The following GBE1 variants were observed in gnomAD, a reference collection of about 807,000 sequenced individuals.
The protein encoded by GBE1 is 1,4-alpha-glucan branching enzyme 1.
Under a neutral mutation model 88.8 loss-of-function variants are expected in GBE1, and 70 were observed. The ratio of observed to expected loss-of-function variants is 0.79; its 90% CI spans 0.65 to 0.96. GBE1 has a LOEUF of 0.96. Ranked by LOEUF, GBE1 falls within the 40% of genes least tolerant of loss-of-function variation. The probability of loss-of-function intolerance (pLI) is 0.00; values close to 1 mark genes in which losing one functional copy is unlikely to be tolerated. For synonymous variants in GBE1, 284 were observed against 300.1 expected (o/e 0.95, Z 0.56); for missense variants, 872 against 871.0 (o/e 1.00, Z -0.01).
chr3:81,708,143 C>T (rs1705804314), intron 1 of GBE1, among the ~76,000 whole-genome samples: 1 of 151,770 alleles, frequency 6.6e-6, no homozygotes, highest in Admixed American at 6.6e-5. Context: ...ATTTGAGGAA[C>T]TGAAAGCATT....
At chr3:81,747,945 C>T (rs1204963896) in intron 1 of GBE1, among the ~76,000 whole-genome samples, 1 of 152,194 alleles carries the variant, frequency 6.6e-6, no homozygotes, top group African/African-American at 2.4e-5. Context: ...ATTGCTCACA[C>T]AAAGCCTGTT....
At chr3:81,704,759 G>C (rs1406357676) in intron 2 of GBE1, among the ~76,000 whole-genome samples, 5 of 151,848 alleles carry the variant, frequency 3.3e-5, no homozygotes. Flanking sequence ...CATCATTCTA[G>C]TAATGTATTT....
rs544517401 is a variant in GBE1, at chr3:81,681,855, G to A, written c.314-10902C>T. 7.9e-5 allele frequency among the ~76,000 whole-genome samples: 12 copies of A among 152,086 alleles called. No individual in the cohort carries two copies. In the East Asian group the frequency reaches 1.5e-3, roughly 20 times the overall value. ...TCAGAACTAAAACTAGAAAACATAC[G>A]GCAATCTTTGTAATCTCTGTTCTTT... On this transcript the variant is annotated intron_variant, in intron 2 of 15. Coordinates refer to ENST00000429644, the MANE Select transcript of GBE1 (RefSeq NM_000158.4).
intron 12 of GBE1, among the ~76,000 whole-genome samples, chr3:81,566,992 C>T (rs560046302): frequency 3.3e-5 from 5 of 152,262 alleles, no homozygotes; most frequent in South Asian, 2.1e-4. Flanking sequence ...CCATCCCACT[C>T]GAACTGCTAT....
chr3:81,636,924 T>G (rs986902866), intron 7 of GBE1, among the ~76,000 whole-genome samples: 1 of 152,148 alleles, frequency 6.6e-6, no homozygotes, highest in African/African-American at 2.4e-5. Flanking sequence ...TGCTTTGAAA[T>G]CTATCCAGTG....
chr3:81,659,819 T>C (rs1052348905), intron 3 of GBE1, among the ~76,000 whole-genome samples: 2 of 152,176 alleles, frequency 1.3e-5, no homozygotes, highest in African/African-American at 2.4e-5. Flanking sequence ...CAATTACATA[T>C]TCAATAAACA....
intron 1 of GBE1, among the ~76,000 whole-genome samples, chr3:81,725,355 C>T (rs532803328): frequency 6.6e-6 from 1 of 151,860 alleles, no homozygotes; most frequent in Non-Finnish European, 1.5e-5. Flanking sequence ...TGGCCTACCC[C>T]GGGTCAGGAT....
intron 7 of GBE1, among the ~76,000 whole-genome samples, chr3:81,606,464 G>A (rs577415112): frequency 1.3e-5 from 2 of 152,280 alleles, no homozygotes; most frequent in East Asian, 1.9e-4. Context: ...AAGACCCTGC[G>A]CTATTTAACA....
intron 3 of GBE1, among the ~76,000 whole-genome samples, chr3:81,669,523 T>G (rs1705159054): frequency 6.6e-6 from 1 of 152,114 alleles, no homozygotes; most frequent in African/African-American, 2.4e-5. Context: ...ATTTACTTCT[T>G]CAAAGACTGA....
chr3:81,734,679 A>G lies in GBE1; in HGVS notation c.143+26696T>C, dbSNP rs552361048. ...ATTATGATGAGATCAGAAGACTTTT[A>G]TCACCCTGCCCTAAAACAATGAAGG... is the stretch of plus-strand genomic sequence containing the variant. On this transcript the variant is annotated intron_variant, in intron 1 of 15. Transcript: ENST00000429644. 1.2e-4 allele frequency among the ~76,000 whole-genome samples: 19 copies of G among 152,246 alleles called. No individual in the cohort carries two copies. In the East Asian group the frequency reaches 3.1e-3, roughly 25 times the overall value.
Position 81,502,810 on chromosome 3 carries a change from T to G in GBE1, c.1935-3583A>C, listed in dbSNP as rs188959701. Among the ~76,000 whole-genome samples, 209 of 152,264 alleles carry G rather than the reference T, an allele frequency of 1.4e-3. 2 individuals carry two copies. Among genetic ancestry groups the G allele is most frequent in the South Asian group, 7.5e-3 (36 of 4,826 alleles). ...ATATGGGACCCACACAGCACCACAA[T>G]TCCTACATCATCCTTTTTCTGTGAA... On this transcript the variant is annotated intron_variant, in intron 14 of 15. Coordinates refer to ENST00000429644, the MANE Select transcript of GBE1 (RefSeq NM_000158.4).
At chr3:81,502,109 T>G (rs935623136) in intron 14 of GBE1, among the ~76,000 whole-genome samples, 1 of 151,854 alleles carries the variant, frequency 6.6e-6, no homozygotes, top group Non-Finnish European at 1.5e-5. Flanking sequence ...AAAATAAAAA[T>G]CATGTGTCCA....
intron 7 of GBE1, among the ~76,000 whole-genome samples, chr3:81,617,131 T>C (rs1038821835): frequency 1.4e-4 from 21 of 152,024 alleles, no homozygotes; most frequent in Non-Finnish European, 2.4e-4. Flanking sequence ...TGGTATTTTC[T>C]ATATTCTATA....
intron 7 of GBE1, among the ~76,000 whole-genome samples, chr3:81,628,364 C>T (rs1429487154): frequency 1.3e-5 from 2 of 151,944 alleles, no homozygotes; most frequent in African/African-American, 4.8e-5. Context: ...TCAGGAAAAG[C>T]ATACAGATAA....
intron 1 of GBE1, 120 bp from the exon 2 acceptor site, chr3:81,705,733 T>G (rs753468855): frequency 5.3e-6 from 3 of 563,844 alleles, no homozygotes; most frequent in Admixed American, 4.0e-5. Context: ...TAAAGAAGAA[T>G]AATATAAATA....
intron 7 of GBE1, among the ~76,000 whole-genome samples, chr3:81,622,145 T>C (rs1028649936): frequency 5.3e-5 from 8 of 152,224 alleles, no homozygotes; most frequent in Non-Finnish European, 8.8e-5. Flanking sequence ...CTACACTTGC[T>C]GCCTTCACTT....
intron 1 of GBE1, among the ~76,000 whole-genome samples, chr3:81,737,746 T>G (rs1047475384): frequency 1.3e-5 from 2 of 152,106 alleles, no homozygotes; most frequent in Non-Finnish European, 2.9e-5. Context: ...TGTTTTTTAT[T>G]TTTTTATTTT....
intron 9 of GBE1, among the ~76,000 whole-genome samples, chr3:81,589,320 T>C (rs1703843671): frequency 6.6e-6 from 1 of 151,842 alleles, no homozygotes; most frequent in Admixed American, 6.6e-5. Flanking sequence ...AATAAATTCA[T>C]ATTTCTACTA....
chr3:81,700,583 G>A (rs1480343865), intron 2 of GBE1, among the ~76,000 whole-genome samples: 2 of 151,982 alleles, frequency 1.3e-5, no homozygotes. Flanking sequence ...ACAGATTACA[G>A]TTCACAGAAC....
Sources: allele counts gnomAD v4.1 joint callset (sites outside exome capture counted in the v4.1 genomes callset), GRCh38; gene constraint gnomAD v4.1.1; transcripts MANE v1.5; gene names NCBI Gene and HGNC (gene_info 2026-07-23, HGNC 2026-07-21).